The following ATG4C variants were observed in gnomAD, a reference collection of about 807,000 sequenced individuals.
The protein encoded by ATG4C is cysteine protease ATG4C.
A neutral mutation model predicts 57.6 loss-of-function variants in ATG4C; 56 were observed. That is an observed-to-expected ratio of 0.97 (90% CI 0.78 to 1.21). The LOEUF is 1.21. ATG4C is among the 50% of genes most tolerant of loss of function. The pLI is 0.00. For missense variants in ATG4C, 595 were observed against 529.8 expected (o/e 1.12, Z -1.21); for synonymous variants, 157 against 174.1 (o/e 0.90, Z 0.78).
At chr1:62,791,672 T>C (rs1664278546) in intron 1 of ATG4C, among the ~76,000 whole-genome samples, 1 of 152,192 alleles carries the variant, frequency 6.6e-6, no homozygotes, top group Admixed American at 6.5e-5. Context: ...TGATAACCTG[T>C]TAATCCATTA....
At chr1:62,815,278 A>G (rs1665230669) in intron 3 of ATG4C, among the ~76,000 whole-genome samples, 1 of 151,616 alleles carries the variant, frequency 6.6e-6, no homozygotes, top group Admixed American at 6.6e-5. Flanking sequence ...ATTAGCTATA[A>G]CTTTTTATTG....
chr1:62,795,725 A>G (rs1295035191), intron 1 of ATG4C, among the ~76,000 whole-genome samples: 1 of 152,094 alleles, frequency 6.6e-6, no homozygotes, highest in Non-Finnish European at 1.5e-5. Context: ...GCTACTTGGA[A>G]GGCTGAGGCA....
Position 62,819,260 on chromosome 1 carries a change from T to C in ATG4C, c.650T>C (p.Leu217Pro), listed in dbSNP as rs1463715967. 6.2e-7 allele frequency: 1 copy of C among 1,613,388 alleles called. No individual in the cohort carries two copies. Residue 217 changes from leucine (L) to proline (P), a missense_variant, in exon 5 of 11, where the codon CTA (leucine) becomes CCA (proline). By Grantham distance (98) the Leu-to-Pro change is moderately conservative. Transcript: ENST00000317868. The stretch of plus-strand genomic sequence containing the variant: ...TTGGCTCTTTTTGGCTTACATCAAC[T>C]AATAGAATATGGAAAGAAGTCTGGG... The part of the protein sequence containing the change: ...SPLALFGLHQ[L>P]IEYGKKSGKK...
At chr1:62,828,242 G>T (rs1440292365) in intron 6 of ATG4C, among the ~76,000 whole-genome samples, 1 of 151,744 alleles carries the variant, frequency 6.6e-6, no homozygotes. Flanking sequence ...TCTACAAATG[G>T]TTAAACTAAT....
chr1:62,857,257 C>CT (rs1422337673), intron 10 of ATG4C, among the ~76,000 whole-genome samples: 1 of 152,188 alleles, frequency 6.6e-6, no homozygotes, highest in Non-Finnish European at 1.5e-5. Flanking sequence ...GCATTACCAC[C>CT]TGAGCTCTGC....
chr1:62,823,672 C>T (rs1195848331), intron 6 of ATG4C, among the ~76,000 whole-genome samples: 1 of 152,224 alleles, frequency 6.6e-6, no homozygotes, highest in African/African-American at 2.4e-5. Flanking sequence ...TCCCGACCTA[C>T]ATTTCCAGCA....
intron 3 of ATG4C, among the ~76,000 whole-genome samples, chr1:62,806,862 C>T (rs552427922): frequency 1.2e-4 from 19 of 152,252 alleles, no homozygotes; most frequent in African/African-American, 4.6e-4. Context: ...GAGCTAGAAG[C>T]ACATAGGACC....
chr1:62,802,225 A>G (rs1022125454), intron 1 of ATG4C, among the ~76,000 whole-genome samples: 5 of 151,784 alleles, frequency 3.3e-5, no homozygotes, highest in Non-Finnish European at 7.4e-5. Context: ...AATTTTCTAC[A>G]TGTTTCCTCA....
chr1:62,859,484 A>C (rs1170386911), intron 10 of ATG4C, among the ~76,000 whole-genome samples: 1 of 152,168 alleles, frequency 6.6e-6, no homozygotes, highest in Non-Finnish European at 1.5e-5. Context: ...AAAAAATAAA[A>C]AATGGTGTAC....
intron 7 of ATG4C, 91 bp downstream of exon 7, chr1:62,829,267 T>C (rs1351481087): frequency 1.4e-6 from 2 of 1,407,550 alleles, no homozygotes; most frequent in Non-Finnish European, 2.0e-6. Context: ...AAATGAGTAG[T>C]GATGATTTTG....
intron 6 of ATG4C, among the ~76,000 whole-genome samples, chr1:62,823,683 T>A (rs1266298584): frequency 6.6e-6 from 1 of 152,222 alleles, no homozygotes; most frequent in Non-Finnish European, 1.5e-5. Flanking sequence ...ATTTCCAGCA[T>A]CACCTTCTAA....
At chr1:62,815,577 A>G (rs969243391) in intron 3 of ATG4C, among the ~76,000 whole-genome samples, 3 of 152,174 alleles carry the variant, frequency 2.0e-5, no homozygotes, top group African/African-American at 7.2e-5. Context: ...CTGTATTTCC[A>G]TCTGGACCAG....
chr1:62,829,587 C>A (rs927411171), intron 7 of ATG4C, among the ~76,000 whole-genome samples: 2 of 151,932 alleles, frequency 1.3e-5, no homozygotes, highest in Admixed American at 6.6e-5. Flanking sequence ...TCCTGTGACA[C>A]CATGATGTCA....
At chr1:62,860,280 A>C (rs1317098182) in intron 10 of ATG4C, among the ~76,000 whole-genome samples, 2 of 152,198 alleles carry the variant, frequency 1.3e-5, no homozygotes, top group Admixed American at 1.3e-4. Context: ...GCTGTTCTAC[A>C]GGTAATTTCT....
chr1:62,820,223 C>T (rs1392302434), intron 5 of ATG4C, among the ~76,000 whole-genome samples: 1 of 152,044 alleles, frequency 6.6e-6, no homozygotes, highest in African/African-American at 2.4e-5. Flanking sequence ...TTCTACCCTT[C>T]AAGATGTTCT....
chr1:62,802,827 C>T (rs994113440), intron 1 of ATG4C, among the ~76,000 whole-genome samples: 1 of 152,156 alleles, frequency 6.6e-6, no homozygotes, highest in Admixed American at 6.5e-5. Context: ...ATAGACCATG[C>T]TTTCTCCTGG....
At chr1:62,838,161 G>A (rs892546055) in intron 9 of ATG4C, among the ~76,000 whole-genome samples, 51 of 152,016 alleles carry the variant, frequency 3.4e-4, no homozygotes, top group African/African-American at 1.1e-3. Flanking sequence ...TAACTATTAG[G>A]GCAATTGGTA....
At chr1:62,798,516 C>A (rs749125947) in intron 1 of ATG4C, among the ~76,000 whole-genome samples, 1 of 152,236 alleles carries the variant, frequency 6.6e-6, no homozygotes, top group Admixed American at 6.5e-5. Flanking sequence ...CCTCTTCAAT[C>A]GGAATTTTTG....
At chr1:62,821,269 T>C in intron 6 of ATG4C, 60 bp downstream of exon 6, 1 of 1,159,906 alleles carries the variant, frequency 8.6e-7, no homozygotes, top group South Asian at 1.8e-5. Flanking sequence ...TATATGTGTT[T>C]AGCTTATCCC....
Sources: gnomAD v4.1 joint callset for allele counts (sites outside exome capture counted in the v4.1 genomes callset) on GRCh38, gnomAD v4.1.1 for gene constraint, MANE v1.5 for transcripts, NCBI Gene and HGNC (gene_info 2026-07-23, HGNC 2026-07-21) for gene names.